Variants in PCMTD1 observed in about 807,000 individuals in gnomAD.
The protein encoded by PCMTD1 is protein-L-isoaspartate (D-aspartate) O-methyltransferase domain containing 1.
In PCMTD1, 12 loss-of-function variants were observed where a neutral mutation model predicts 37.6. The observed-to-expected ratio is 0.32, with a 90% confidence interval of 0.20 to 0.52. The LOEUF (loss-of-function observed/expected upper bound fraction) is 0.52, where lower values mean the gene tolerates loss of function less well. Ranked by LOEUF, PCMTD1 falls within the 20% of genes least tolerant of loss-of-function variation. The pLI, the probability that PCMTD1 is intolerant of heterozygous loss-of-function variation, is 0.97. For missense variants in PCMTD1, 235 were observed against 421.3 expected, an observed-to-expected ratio of 0.56 and a Z score of 3.87; for synonymous variants, 117 against 135.8, an observed-to-expected ratio of 0.86 and a Z score of 0.96.
At chr8:51,875,719 C>G (rs1423961680) in intron 1 of PCMTD1, among the ~76,000 whole-genome samples, 1 of 152,142 alleles carries the variant, frequency 6.6e-6, no homozygotes, top group Non-Finnish European at 1.5e-5. Flanking sequence ...GGGAGGACAA[C>G]TGGAGTTTGA....
chr8:51,879,089 G>A (rs1265747090), intron 1 of PCMTD1, among the ~76,000 whole-genome samples: 1 of 152,092 alleles, frequency 6.6e-6, no homozygotes, highest in Non-Finnish European at 1.5e-5. Context: ...TCATGCCACT[G>A]TAGTCTGGCC....
intron 2 of PCMTD1, among the ~76,000 whole-genome samples, chr8:51,847,769 C>T (rs1400382236): frequency 6.6e-6 from 1 of 152,044 alleles, no homozygotes; most frequent in Non-Finnish European, 1.5e-5. Context: ...GAGATGTTTA[C>T]ATTTTCATTA....
At chr8:51,852,871 C>T (rs954160323) in intron 2 of PCMTD1, among the ~76,000 whole-genome samples, 1 of 152,118 alleles carries the variant, frequency 6.6e-6, no homozygotes, top group African/African-American at 2.4e-5. Context: ...CTTTTTGTCA[C>T]GTGTGGAAGA....
intron 1 of PCMTD1, chr8:51,895,838 T>C (rs963516679): frequency 1.3e-5 from 2 of 152,174 alleles, no homozygotes; most frequent in South Asian, 2.1e-4. Context: ...TCCTTAACAA[T>C]TGCCAGTAAA....
At chr8:51,828,881 T>C (rs530213145) in intron 5 of PCMTD1, among the ~76,000 whole-genome samples, 100 of 152,318 alleles carry the variant, frequency 6.6e-4, no homozygotes, top group Non-Finnish European at 1.2e-3. Flanking sequence ...GACAGGAAGT[T>C]TAAATAAACA....
At chr8:51,837,360 T>C (rs1258373669) in intron 3 of PCMTD1, among the ~76,000 whole-genome samples, 1 of 151,632 alleles carries the variant, frequency 6.6e-6, no homozygotes. Context: ...TTTAAGACAA[T>C]ATTCAAAAAG....
At chr8:51,843,368 G>C (rs2038174558) in intron 3 of PCMTD1, among the ~76,000 whole-genome samples, 1 of 152,050 alleles carries the variant, frequency 6.6e-6, no homozygotes, top group Non-Finnish European at 1.5e-5. Context: ...TTCAAGACTA[G>C]TTCATGAATG....
In PCMTD1 at chr8:51,818,762, T is replaced by C. The variant is rs1256547601; in HGVS notation, c.*1589A>G. On this transcript the variant is annotated 3_prime_UTR_variant, in exon 6 of 6. Coordinates refer to ENST00000522514, the MANE Select transcript of PCMTD1 (RefSeq NM_052937.4). ...TCCTCACTTACTTGGAACAATTTCA[T>C]GCTTACACATGATCACAAACATTTG... 1.3e-5 allele frequency: 2 copies of C among 152,326 alleles called. No individual in the cohort carries two copies. Among genetic ancestry groups the C allele is most frequent in the African/African-American group, 4.8e-5 (2 of 41,486 alleles). 9.4% of individuals were successfully genotyped at this position (152,326 alleles called of 1,614,324 possible). A position where few individuals can be genotyped will look rare whatever the true frequency, so the allele number is the denominator to read the frequency against.
chr8:51,859,106 T>C (rs1349305624), intron 2 of PCMTD1, among the ~76,000 whole-genome samples: 13 of 152,150 alleles, frequency 8.5e-5, no homozygotes, highest in Admixed American at 6.5e-4. Context: ...CACGAGCCAG[T>C]TGGCACATAC....
Position 51,845,781 on chromosome 8 carries a change from T to C in PCMTD1, c.308-18A>G. On this transcript the variant is annotated intron_variant, in intron 2 of 5. Coordinates refer to ENST00000522514, the MANE Select transcript of PCMTD1 (RefSeq NM_052937.4). ...AAAAGGACCTGCAATCGTAGCAGCA[T>C]TTTTATAAAAAATATTAATAATATG... 6.4e-7 allele frequency: 1 copy of C among 1,569,050 alleles called. No homozygotes were observed. Among genetic ancestry groups the C allele is most frequent in the South Asian group, 1.1e-5 (1 of 89,744 alleles).
chr8:51,899,172 G>C (rs909163409), upstream of PCMTD1: 27 of 1,302,914 alleles, frequency 2.1e-5, no homozygotes, highest in African/African-American at 3.6e-4. Flanking sequence ...ACAAGGCCGG[G>C]AGACGCCCCC....
intron 1 of PCMTD1, among the ~76,000 whole-genome samples, chr8:51,862,408 T>TA (rs2129287347): frequency 6.6e-6 from 1 of 152,070 alleles, no homozygotes; most frequent in South Asian, 2.1e-4. Flanking sequence ...TTTAACAGAT[T>TA]AAACTCAGCA....
At chr8:51,828,430 G>C (rs2037952695) in intron 5 of PCMTD1, among the ~76,000 whole-genome samples, 1 of 152,086 alleles carries the variant, frequency 6.6e-6, no homozygotes, top group African/African-American at 2.4e-5. Flanking sequence ...TAAATATATA[G>C]AGTACACAGA....
At chr8:51,893,275 C>T (rs988434495) in intron 1 of PCMTD1, among the ~76,000 whole-genome samples, 2 of 152,080 alleles carry the variant, frequency 1.3e-5, no homozygotes, top group Non-Finnish European at 2.9e-5. Context: ...AAACTATAAA[C>T]AATACAGGGC....
chr8:51,820,966 A>G (rs1198828046), intron 5 of PCMTD1, among the ~76,000 whole-genome samples: 4 of 152,210 alleles, frequency 2.6e-5, no homozygotes, highest in Non-Finnish European at 5.9e-5. Context: ...TTACATGCAT[A>G]AAAGTTCTCT....
At chr8:51,881,591 T>C (rs964336865) in intron 1 of PCMTD1, among the ~76,000 whole-genome samples, 1 of 152,208 alleles carries the variant, frequency 6.6e-6, no homozygotes. Flanking sequence ...CCAACAGATC[T>C]GATTTTGTCC....
At chr8:51,846,776 G>GT (rs1432532235) in intron 2 of PCMTD1, among the ~76,000 whole-genome samples, 2 of 152,116 alleles carry the variant, frequency 1.3e-5, no homozygotes, top group African/African-American at 4.8e-5. Flanking sequence ...TTTGAATGTT[G>GT]AAACAGTACA....
At chr8:51,865,074 T>C (rs528850509) in intron 1 of PCMTD1, among the ~76,000 whole-genome samples, 7 of 152,110 alleles carry the variant, frequency 4.6e-5, no homozygotes, top group Admixed American at 3.3e-4. Flanking sequence ...CACCAACAAA[T>C]TGGATAACCT....
In PCMTD1 at chr8:51,831,464, T is replaced by C; in HGVS notation, c.686A>G (p.Lys229Arg). Residue 229 changes from lysine (K) to arginine (R), a missense_variant, in exon 5 of 6, where the codon AAA (lysine) becomes AGA (arginine). Lys to Arg is a conservative substitution (Grantham distance 26). Transcript: ENST00000522514. ...LVQPSKNDNG[K>R]PDSVGLPPCA... Reference sequence around the variant, plus strand: ...CTTACGGAGTCCCACAGAATCTGGTTTGCCATTATCATTCTTACTTGGTTG... The same window carrying C: ...CTTACGGAGTCCCACAGAATCTGGTCTGCCATTATCATTCTTACTTGGTTG... The C allele has an allele frequency of 2.5e-6, 4 of 1,613,520 alleles. No homozygotes were observed. The highest frequency in any genetic ancestry group is 3.4e-6 in the Non-Finnish European group (4 of 1,179,820).
Sources: gnomAD v4.1 joint callset for allele counts (sites outside exome capture counted in the v4.1 genomes callset) on GRCh38, gnomAD v4.1.1 for gene constraint, MANE v1.5 for transcripts, NCBI Gene and HGNC (gene_info 2026-07-23, HGNC 2026-07-21) for gene names.